The following SLC4A7 variants were observed in gnomAD, a reference collection of about 807,000 sequenced individuals.
The protein encoded by SLC4A7 is solute carrier family 4 member 7.
In SLC4A7, 51 loss-of-function variants were observed where a neutral mutation model predicts 137.6. That is an observed-to-expected ratio of 0.37 (90% confidence interval 0.30 to 0.47). The LOEUF (loss-of-function observed/expected upper bound fraction) is 0.47. Ranked by LOEUF, SLC4A7 falls within the 20% of genes least tolerant of loss-of-function variation. The pLI is 1.00. For synonymous variants in SLC4A7, 542 were observed against 518.6 expected (o/e 1.05, Z -0.61); for missense variants, 1,247 against 1,525.4 (o/e 0.82, Z 3.04).
At position 27,418,574 on chromosome 3, in the gene SLC4A7, T is replaced by C; in HGVS notation, c.1571A>G (p.Asp524Gly). 1.2e-6 allele frequency: 2 copies of C among 1,603,844 alleles called. No individual in the cohort carries two copies. Among genetic ancestry groups the C allele is most frequent in the Non-Finnish European group, 1.7e-6 (2 of 1,170,778 alleles). ...KDRNDLLSGIDEFLDQVTVLP... is the reference protein window; with the variant it reads ...KDRNDLLSGIGEFLDQVTVLP... Reference sequence around the variant, plus strand: ...GACAGTTACTTGATCTAAAAATTCATCAATTCCAGATAAGAGGTCATTTCT... The same window carrying C: ...GACAGTTACTTGATCTAAAAATTCACCAATTCCAGATAAGAGGTCATTTCT... The change falls in exon 11 of 26, where the codon GAT becomes GGT. Residue 524 changes from aspartate to glycine, a missense_variant. Physicochemically the swap from Asp to Gly is moderately conservative, Grantham distance 94. Coordinates refer to ENST00000454389, the MANE Select transcript of SLC4A7 (RefSeq NM_001321103.2).
At chr3:27,414,355 T>G (rs1309129837) in intron 11 of SLC4A7, among the ~76,000 whole-genome samples, 1 of 152,082 alleles carries the variant, frequency 6.6e-6, no homozygotes, top group Non-Finnish European at 1.5e-5. Context: ...GCAGTTGAAA[T>G]TTTGTGTATA....
intron 16 of SLC4A7, among the ~76,000 whole-genome samples, chr3:27,399,577 C>T (rs1474084406): frequency 1.3e-5 from 2 of 152,004 alleles, no homozygotes; most frequent in African/African-American, 2.4e-5. Context: ...TAGCTACAGG[C>T]GCGAGTCACC....
At chr3:27,461,385 C>T (rs2058686903) in intron 1 of SLC4A7, among the ~76,000 whole-genome samples, 1 of 151,566 alleles carries the variant, frequency 6.6e-6, no homozygotes, top group Admixed American at 6.6e-5. Flanking sequence ...AGTGACGAAG[C>T]GAGACACTGT....
intron 1 of SLC4A7, among the ~76,000 whole-genome samples, chr3:27,472,205 A>G (rs914477321): frequency 5.3e-5 from 8 of 152,258 alleles, no homozygotes; most frequent in Non-Finnish European, 1.0e-4. Flanking sequence ...AAACCAATGC[A>G]ATTAGCAGAT....
Position 27,394,752 on chromosome 3 carries a change from G to A in SLC4A7, c.2883C>T (p.His961=), listed in dbSNP as rs767759516. ...EHKLKKGAGY[H]LDLLMVGVML... is the part of the protein sequence containing the mutation. ...TAACGCCAACCATGAGCAAATCAAG[G>A]TGATAGCCAGCTCCTTTCTGAAAAG... Residue 961 remains histidine, a synonymous_variant, in exon 20 of 26, where the codon CAC becomes CAT. Coordinates refer to ENST00000454389, the MANE Select transcript of SLC4A7 (RefSeq NM_001321103.2). The A allele has an allele frequency of 1.9e-6, 3 of 1,614,074 alleles. No homozygotes were observed. The highest frequency in any genetic ancestry group is 1.7e-6 in the Non-Finnish European group (2 of 1,179,974).
intron 1 of SLC4A7, among the ~76,000 whole-genome samples, chr3:27,475,313 A>G (rs118123481): frequency 6.6e-6 from 1 of 151,242 alleles, no homozygotes; most frequent in East Asian, 1.9e-4. Context: ...CATTTTATAC[A>G]CAGTATTCTA....
chr3:27,475,256 G>A (rs1032667971), intron 1 of SLC4A7, among the ~76,000 whole-genome samples: 2 of 151,398 alleles, frequency 1.3e-5, no homozygotes, highest in African/African-American at 4.9e-5. Context: ...TACTCCATAA[G>A]AACACAGGCT....
intron 15 of SLC4A7, among the ~76,000 whole-genome samples, chr3:27,402,224 T>C (rs1284974197): frequency 2.0e-5 from 3 of 152,242 alleles, no homozygotes; most frequent in Non-Finnish European, 2.9e-5. Context: ...TCTACTTAAA[T>C]ATGTCTACTT....
intron 7 of SLC4A7, chr3:27,424,445 A>C (rs1037542156): frequency 3.1e-5 from 7 of 228,516 alleles, no homozygotes; most frequent in African/African-American, 1.6e-4. Context: ...AAGATGGAAG[A>C]CCTGAGTCTG....
intron 16 of SLC4A7, 49 bp from the exon 17 acceptor site, chr3:27,398,402 C>A: frequency 1.3e-6 from 2 of 1,488,266 alleles, no homozygotes; most frequent in South Asian, 1.3e-5. Flanking sequence ...CTTACGTATT[C>A]AATAAATTAT....
intron 1 of SLC4A7, chr3:27,456,720 G>T: frequency 6.2e-7 from 1 of 1,607,118 alleles, no homozygotes. Flanking sequence ...ATGATGTAAT[G>T]CAGTAACTCC....
At position 27,376,915 on chromosome 3, in the gene SLC4A7, A is replaced by G; in HGVS notation, c.3699-70T>C. 7.1e-6 allele frequency: 5 copies of G among 707,988 alleles called. 1 individual carries two copies. The South Asian group carries it at 1.5e-4, about 21-fold the overall frequency. The allele number at this position is 707,988 out of a possible 1,614,324, so 43.9% of individuals were successfully genotyped here. A position where few individuals can be genotyped will look rare whatever the true frequency, so the allele number is the denominator to read the frequency against. ...TATTCAATTCTAAACATGGCTAACA[A>G]TGAGTATACTAAACCTTCTGAGATT... On this transcript the variant is annotated intron_variant, in intron 25 of 25. Transcript: ENST00000454389.
chr3:27,385,336 T>G (rs1559626185), intron 23 of SLC4A7, among the ~76,000 whole-genome samples: 1 of 152,160 alleles, frequency 6.6e-6, no homozygotes, highest in Non-Finnish European at 1.5e-5. Flanking sequence ...TGCTTAAATC[T>G]CAGCATACAA....
At chr3:27,424,984 A>G (rs1489325374) in intron 7 of SLC4A7, among the ~76,000 whole-genome samples, 2 of 152,238 alleles carry the variant, frequency 1.3e-5, no homozygotes, top group Non-Finnish European at 2.9e-5. Context: ...GACATTCAAC[A>G]CCAACATTTC....
At position 27,421,607 on chromosome 3, in the gene SLC4A7, GAACT is replaced by G; in HGVS notation, c.1424+11_1424+14del. The stretch of plus-strand genomic sequence containing the variant: ...GAAAATGCTTAGAGAATGTTACTTG[GAACT>G]AACTCTTTACCTGGTTGGAACAGGG... On this transcript the variant is annotated intron_variant, in intron 9 of 25. Coordinates refer to ENST00000454389, the MANE Select transcript of SLC4A7 (RefSeq NM_001321103.2). 2.5e-6 allele frequency: 4 copies of G among 1,598,806 alleles called. No homozygotes were observed. Among genetic ancestry groups the G allele is most frequent in the African/African-American group, 1.3e-5 (1 of 74,584 alleles).
chr3:27,474,697 G>C (rs11709919), intron 1 of SLC4A7, among the ~76,000 whole-genome samples: 22,255 of 152,068 alleles, frequency 0.15, 1,875 homozygotes, highest in South Asian at 0.27. Context: ...GACTCATGGA[G>C]ACAGTGACTC....
chr3:27,411,400 C>T (rs1320885762), intron 12 of SLC4A7, among the ~76,000 whole-genome samples: 1 of 151,818 alleles, frequency 6.6e-6, no homozygotes, highest in Non-Finnish European at 1.5e-5. Context: ...TATATAACTG[C>T]AATATTCTGA....
chr3:27,448,223 A>G (rs2057813104), intron 3 of SLC4A7, among the ~76,000 whole-genome samples: 1 of 151,474 alleles, frequency 6.6e-6, no homozygotes, highest in Admixed American at 6.6e-5. Flanking sequence ...TCTCAAAAAA[A>G]AAAAAAAAAA....
At chr3:27,382,794 T>C (rs2050558166) in intron 24 of SLC4A7, among the ~76,000 whole-genome samples, 1 of 152,152 alleles carries the variant, frequency 6.6e-6, no homozygotes, top group South Asian at 2.1e-4. Flanking sequence ...ACCCCAGCCC[T>C]AATGAAGGGC....
Sources: gnomAD v4.1 joint callset for allele counts (sites outside exome capture counted in the v4.1 genomes callset) on GRCh38, gnomAD v4.1.1 for gene constraint, MANE v1.5 for transcripts, NCBI Gene and HGNC (gene_info 2026-07-23, HGNC 2026-07-21) for gene names.